The following ELMO1 variants were observed in gnomAD, a reference collection of about 807,000 sequenced individuals.
ELMO1 encodes the protein engulfment and cell motility 1.
A neutral mutation model predicts 98.9 loss-of-function variants in ELMO1; 26 were observed. The observed-to-expected ratio is 0.26, with a 90% CI of 0.19 to 0.36. The LOEUF (loss-of-function observed/expected upper bound fraction) is 0.36, where lower values mean the gene tolerates loss of function less well. Among genes scored for constraint, ELMO1 ranks in the 10% least tolerant of loss-of-function variants. The probability of loss-of-function intolerance (pLI) is 1.00; values close to 1 mark genes in which losing one functional copy is unlikely to be tolerated. For synonymous variants in ELMO1, 346 were observed against 346.0 expected (o/e 1.00, Z 0.00); for missense variants, 627 against 935.2 (o/e 0.67, Z 4.30).
intron 6 of ELMO1, among the ~76,000 whole-genome samples, chr7:37,258,279 AAC>A (rs1188861655): frequency 1.5e-5 from 2 of 134,326 alleles, no homozygotes; most frequent in African/African-American, 5.6e-5. Context: ...AAAAACAAAA[AAC>A]AAAAAAAAAA....
At chr7:37,369,368 TG>T (rs1385758483) in intron 1 of ELMO1, among the ~76,000 whole-genome samples, 1 of 152,232 alleles carries the variant, frequency 6.6e-6, no homozygotes, top group African/African-American at 2.4e-5. Flanking sequence ...AATGCTTCCA[TG>T]AGCGTTTCCT....
At chr7:37,266,143 T>A (rs1011706588) in intron 5 of ELMO1, among the ~76,000 whole-genome samples, 1 of 152,238 alleles carries the variant, frequency 6.6e-6, no homozygotes, top group Non-Finnish European at 1.5e-5. Context: ...ACTGGCTTCT[T>A]CTCCCATAAG....
intron 4 of ELMO1, among the ~76,000 whole-genome samples, chr7:37,300,669 G>A (rs1402528555): frequency 1.6e-5 from 2 of 121,764 alleles, no homozygotes; most frequent in African/African-American, 6.1e-5. Flanking sequence ...GATTCGGTTT[G>A]CCAGTATTTT....
chr7:37,124,082 T>C (rs1278340481), intron 14 of ELMO1, among the ~76,000 whole-genome samples: 5 of 152,106 alleles, frequency 3.3e-5, no homozygotes, highest in African/African-American at 1.2e-4. Context: ...CAAAATTCAA[T>C]AGCCCTTCAT....
At chr7:37,338,426 C>G (rs1800539318) in intron 2 of ELMO1, among the ~76,000 whole-genome samples, 1 of 152,142 alleles carries the variant, frequency 6.6e-6, no homozygotes. Flanking sequence ...GAGGAACAAG[C>G]CCTCATCACA....
chr7:37,048,142 G>C (rs753966085), intron 15 of ELMO1, among the ~76,000 whole-genome samples: 2 of 152,128 alleles, frequency 1.3e-5, no homozygotes, highest in African/African-American at 4.8e-5. Flanking sequence ...TTGAGAGGGA[G>C]GCTTGTCCTG....
At chr7:37,120,429 A>G (rs940696897) in intron 14 of ELMO1, among the ~76,000 whole-genome samples, 1 of 152,222 alleles carries the variant, frequency 6.6e-6, no homozygotes, top group African/African-American at 2.4e-5. Flanking sequence ...TCCCACCCTA[A>G]TACTGCGCTT....
At chr7:37,426,134 TTTTC>T (rs1371292266) in intron 1 of ELMO1, among the ~76,000 whole-genome samples, 2 of 146,338 alleles carry the variant, frequency 1.4e-5, no homozygotes, top group Admixed American at 7.1e-5. Flanking sequence ...CTCCCTCTTT[TTTTC>T]TTTCTTTTTT....
chr7:36,969,614 G>A (rs1789744562), intron 16 of ELMO1, among the ~76,000 whole-genome samples: 1 of 152,158 alleles, frequency 6.6e-6, no homozygotes, highest in Non-Finnish European at 1.5e-5. Context: ...TGGTATATGT[G>A]TGTAGTATGT....
At chr7:36,927,127 C>G (rs961144492) in intron 16 of ELMO1, among the ~76,000 whole-genome samples, 3 of 152,116 alleles carry the variant, frequency 2.0e-5, no homozygotes, top group Non-Finnish European at 4.4e-5. Flanking sequence ...ATTGTCTCAA[C>G]AACCCTAGGA....
At position 37,213,439 on chromosome 7, in the gene ELMO1, G is replaced by A. The variant is rs1232187839; in HGVS notation, c.850C>T (p.Arg284Trp). The A allele has an allele frequency of 5.6e-6, 9 of 1,611,782 alleles. No homozygotes were observed. The East Asian group carries it at 6.7e-5, about 12-fold the overall frequency. The change falls in exon 12 of 22, where the codon CGG becomes TGG. Residue 284 changes from arginine to tryptophan, a missense_variant. By Grantham distance (101) the Arg-to-Trp change is moderately radical. Coordinates refer to ENST00000310758, the MANE Select transcript of ELMO1 (RefSeq NM_014800.11). ...IILTHVIRAQRAINNEMAHQL... is the reference protein window; with the variant it reads ...IILTHVIRAQWAINNEMAHQL... ...TGCGCCATCTCATTGTTGATGGCCCGCTGGGCTCGGATGACATGCTAGGGA... is the reference window on the plus strand; with the variant it reads ...TGCGCCATCTCATTGTTGATGGCCCACTGGGCTCGGATGACATGCTAGGGA...
chr7:37,342,805 GC>G lies in ELMO1; in HGVS notation c.-73-43del, dbSNP rs1800789991. The G allele has an allele frequency of 1.0e-6, 1 of 953,466 alleles. No individual in the cohort carries two copies. Among genetic ancestry groups the G allele is most frequent in the African/African-American group, 1.7e-5 (1 of 59,350 alleles). The allele number at this position is 953,466 out of a possible 1,614,324, so 59.1% of individuals were successfully genotyped here. A position where few individuals can be genotyped will look rare whatever the true frequency, so the allele number is the denominator to read the frequency against. Reference sequence around the variant, plus strand: ...GAAAAAGAAAGAGAAGTCACTCAGTGCAGATGCAGGGTGAATTTTGCTTCAT... The same window carrying G: ...GAAAAAGAAAGAGAAGTCACTCAGTGAGATGCAGGGTGAATTTTGCTTCAT... On this transcript the variant is annotated intron_variant, in intron 1 of 21. Coordinates refer to ENST00000310758, the MANE Select transcript of ELMO1 (RefSeq NM_014800.11). This position sits in a 1 kb window ranked among gnomAD's most constrained non-coding sequence, Gnocchi z 4.3.
chr7:37,121,795 G>C (rs994001445), intron 14 of ELMO1, among the ~76,000 whole-genome samples: 26 of 152,184 alleles, frequency 1.7e-4, no homozygotes, highest in Admixed American at 6.5e-4. Context: ...GATACTCCTC[G>C]AGAAGAGCAA....
intron 14 of ELMO1, among the ~76,000 whole-genome samples, chr7:37,123,129 T>C (rs558729592): frequency 8.5e-5 from 13 of 152,162 alleles, no homozygotes; most frequent in Admixed American, 3.3e-4. Flanking sequence ...GGGACACATT[T>C]AAAGCAGTGT....
chr7:37,378,604 A>AC, intron 1 of ELMO1, among the ~76,000 whole-genome samples: 1 of 152,150 alleles, frequency 6.6e-6, no homozygotes. Flanking sequence ...CGAAAAAAAA[A>AC]ACTAATATTT....
intron 1 of ELMO1, among the ~76,000 whole-genome samples, chr7:37,371,449 T>C (rs1802111595): frequency 6.6e-6 from 1 of 152,218 alleles, no homozygotes; most frequent in African/African-American, 2.4e-5. Flanking sequence ...TAACATTTCA[T>C]TATAATCTAT....
At chr7:37,175,906 A>G (rs1319919290) in intron 13 of ELMO1, among the ~76,000 whole-genome samples, 1 of 152,206 alleles carries the variant, frequency 6.6e-6, no homozygotes, top group Non-Finnish European at 1.5e-5. Flanking sequence ...TAGAATGGAC[A>G]GTGTCTCTGT....
intron 14 of ELMO1, among the ~76,000 whole-genome samples, chr7:37,113,266 GCTGA>G (rs565431370): frequency 3.3e-5 from 5 of 152,212 alleles, no homozygotes; most frequent in African/African-American, 4.8e-5. Flanking sequence ...ACAAATATGT[GCTGA>G]CTGTCTTCTG....
chr7:37,285,384 T>C (rs1454525442), intron 4 of ELMO1, among the ~76,000 whole-genome samples: 1 of 152,242 alleles, frequency 6.6e-6, no homozygotes, highest in Non-Finnish European at 1.5e-5. Flanking sequence ...TTCTGTATCC[T>C]GACTAGATGC....
Sources: gnomAD v4.1 joint callset for allele counts (sites outside exome capture counted in the v4.1 genomes callset) on GRCh38, gnomAD v4.1.1 for gene constraint, Gnocchi (gnomAD v3.1) non-coding constraint, MANE v1.5 for transcripts, NCBI Gene and HGNC (gene_info 2026-07-23, HGNC 2026-07-21) for gene names.